The following NCF2 variants were observed in gnomAD, a reference collection of about 807,000 sequenced individuals.
NCF2 encodes neutrophil cytosol factor 2.
NCF2 carries 45 observed loss-of-function variants against 70.9 expected under a neutral mutation model. The observed-to-expected ratio is 0.63, with a 90% CI of 0.50 to 0.81. The LOEUF (loss-of-function observed/expected upper bound fraction) is 0.81. NCF2 is among the 40% of genes least tolerant of loss of function. The probability of loss-of-function intolerance (pLI) is 0.00; values close to 1 mark genes in which losing one functional copy is unlikely to be tolerated. For missense variants in NCF2, 522 were observed against 631.6 expected, an observed-to-expected ratio of 0.83 and a Z score of 1.86; for synonymous variants, 203 against 233.6, an observed-to-expected ratio of 0.87 and a Z score of 1.19.
chr1:183,561,824 G>T (rs1672073349), intron 13 of NCF2, among the ~76,000 whole-genome samples: 1 of 97,604 alleles, frequency 1.0e-5, no homozygotes, highest in Admixed American at 1.6e-4. Context: ...TTTTGAGGCA[G>T]AATCTCTCTG....
chr1:183,593,143 C>G (rs1673717183), upstream of NCF2, among the ~76,000 whole-genome samples: 1 of 152,150 alleles, frequency 6.6e-6, no homozygotes, highest in Admixed American at 6.5e-5. Context: ...CTTAGCACCT[C>G]AAATAGTGTG....
At chr1:183,600,816 G>C in the NCF2 span, among the ~76,000 whole-genome samples, 1 of 152,114 alleles carries the variant, frequency 6.6e-6, no homozygotes, top group Non-Finnish European at 1.5e-5. Context: ...CTCAGCACTA[G>C]GGTTGGGCTT....
chr1:183,569,213 C>T (rs377089938), intron 6 of NCF2, 28 bp from the exon 7 acceptor site: 89 of 1,611,306 alleles, frequency 5.5e-5, no homozygotes, highest in African/African-American at 1.7e-4. Flanking sequence ...GAAGTGAAAA[C>T]GGAAAAGGCA....
intron 9 of NCF2, 127 bp downstream of exon 9, chr1:183,566,793 G>A (rs1246349407): frequency 1.2e-5 from 14 of 1,204,738 alleles, no homozygotes; most frequent in South Asian, 3.8e-5. Context: ...ATCTCAAGGC[G>A]GGCTCAAGAC....
At chr1:183,587,692 G>A (rs865936866) in intron 1 of NCF2, among the ~76,000 whole-genome samples, 19 of 142,722 alleles carry the variant, frequency 1.3e-4, no homozygotes, top group Middle Eastern at 3.9e-3. Flanking sequence ...ATCACCAACA[G>A]AAATCTTAGA....
In NCF2 at chr1:183,579,738, C is replaced by CAAA. The variant is rs397982209; in HGVS notation, c.258-2034_258-2032dup. 7.7e-4 allele frequency among the ~76,000 whole-genome samples: 30 copies of CAAA among 38,840 alleles called. 1 individual carries two copies. Among genetic ancestry groups the CAAA allele is most frequent in the African/African-American group, 1.2e-3 (15 of 12,902 alleles). The allele number at this position is 38,840 out of a possible 152,430, so 25.5% of individuals were successfully genotyped here. On this transcript the variant is annotated intron_variant, in intron 2 of 14. Transcript: ENST00000367535. ...TGGGTGACAGAGTGAGACTCTGTCT[C>CAAA]AAAAAAAAAAAAAAAAAAAAAAAAA...
At chr1:183,591,469 G>T (rs1673641190), upstream of NCF2, among the ~76,000 whole-genome samples, 1 of 151,574 alleles carries the variant, frequency 6.6e-6, no homozygotes, top group Non-Finnish European at 1.5e-5. Flanking sequence ...ATCTGATCTG[G>T]GCCTGAAATA....
At position 183,581,085 on chromosome 1, in the gene NCF2, C is replaced by T. The variant is rs571292627; in HGVS notation, c.258-3378G>A. 2.4e-4 allele frequency among the ~76,000 whole-genome samples: 37 copies of T among 151,650 alleles called. 1 individual carries two copies. The highest frequency in any genetic ancestry group is 7.7e-4 in the African/African-American group (32 of 41,348). ...CTTTGTTTTAAAGACAGGGTGGACC[C>T]GCCTAGGCAATATGGAGAAACCCCA... is the stretch of plus-strand genomic sequence containing the variant. On this transcript the variant is annotated intron_variant, in intron 2 of 14. Transcript: ENST00000367535.
chr1:183,583,080 T>C (rs776600821), intron 2 of NCF2, among the ~76,000 whole-genome samples: 72 of 152,190 alleles, frequency 4.7e-4, no homozygotes, highest in Non-Finnish European at 7.9e-4. Context: ...TCAGACAGAA[T>C]CTTGCTCTGT....
At chr1:183,593,766 G>C (rs908670195), upstream of NCF2, among the ~76,000 whole-genome samples, 5 of 152,162 alleles carry the variant, frequency 3.3e-5, no homozygotes, top group African/African-American at 1.2e-4. Flanking sequence ...ATTACTTGGT[G>C]CTGTTAGTAG....
chr1:183,563,954 C>G (rs773324821), intron 11 of NCF2, 51 bp downstream of exon 11: 5 of 1,550,768 alleles, frequency 3.2e-6, no homozygotes, highest in Non-Finnish European at 3.6e-6. Flanking sequence ...GTTGATAGCC[C>G]AAGCTATCCC....
chr1:183,585,582 G>A (rs528967028), intron 2 of NCF2, among the ~76,000 whole-genome samples: 150 of 142,020 alleles, frequency 1.1e-3, no homozygotes, highest in South Asian at 2.2e-3. Context: ...CCGAGATCGC[G>A]CCACTGCACT....
rs1064794299 is a variant in NCF2, at chr1:183,567,222, CGT to C, written c.835_836del (p.Thr279GlyfsTer16). On this transcript the variant is annotated frameshift_variant, in exon 8 of 15. Transcript: ENST00000367535. LOFTEE classifies it high-confidence loss of function. Reference protein sequence around the residue: ...VLKKGNDNWATVMFNGQKGLV... With the variant: ...VLKKGNDNWAXVMFNGQKGLV... ...TGCATACCTGCCCGTTGAACATGAC[CGT>C]GGCCCAGTTATCATTGCCCTTCTTC... 6.2e-7 allele frequency: 1 copy of C among 1,614,150 alleles called. No individual in the cohort carries two copies. The highest frequency in any genetic ancestry group is 1.1e-5 in the South Asian group (1 of 91,080).
At chr1:183,592,311 T>C (rs1673689557), upstream of NCF2, among the ~76,000 whole-genome samples, 1 of 152,256 alleles carries the variant, frequency 6.6e-6, no homozygotes, top group African/African-American at 2.4e-5. Flanking sequence ...AGCTCTCTTC[T>C]TTGCCTGGCA....
intron 2 of NCF2, among the ~76,000 whole-genome samples, chr1:183,583,854 T>C (rs1387318358): frequency 6.6e-6 from 1 of 152,206 alleles, no homozygotes; most frequent in East Asian, 1.9e-4. Flanking sequence ...CACTGGAAGT[T>C]CTCACAGAGA....
In NCF2 at chr1:183,586,947, G is replaced by T. The variant is rs1673380587; in HGVS notation, c.205C>A (p.His69Asn). The change falls in exon 2 of 15, where the codon CAC becomes AAC. Residue 69 changes from histidine (H) to asparagine (N), a missense_variant. Physicochemically the swap from His to Asn is moderately conservative, Grantham distance 68. Coordinates refer to ENST00000367535, the MANE Select transcript of NCF2 (RefSeq NM_000433.4). ...AFTRSINRDK[H>N]LAVAYFQRGM... ...CGTTGGAAGTAAGCCACTGCCAAGT[G>T]CTTGTCTCGGTTAATGCTTCTGGTA... 1.9e-6 allele frequency: 3 copies of T among 1,614,136 alleles called. No homozygotes were observed. The highest frequency in any genetic ancestry group is 2.5e-6 in the Non-Finnish European group (3 of 1,179,994).
chr1:183,582,069 C>A (rs1054794556), intron 2 of NCF2, among the ~76,000 whole-genome samples: 1 of 152,246 alleles, frequency 6.6e-6, no homozygotes, highest in Non-Finnish European at 1.5e-5. Context: ...ACTTGTTTAC[C>A]CAGAGCTGCA....
intron 2 of NCF2, 126 bp from the exon 3 acceptor site, chr1:183,577,833 G>C: frequency 1.3e-6 from 1 of 750,448 alleles, no homozygotes; most frequent in Non-Finnish European, 2.3e-6. Context: ...AGTTCCTTTT[G>C]ACCTGTTCTA....
chr1:183,590,146 C>G lies in NCF2; in HGVS notation c.174+10G>C. 6.2e-7 allele frequency: 1 copy of G among 1,614,186 alleles called. No homozygotes were observed. The highest frequency in any genetic ancestry group is 8.5e-7 in the Non-Finnish European group (1 of 1,180,038). ...ACAGAGGAGGCCCGGAAAGAGGCACCTCCACTCACCTTCTCTGCTTCAGTC... is the reference window on the plus strand; with the variant it reads ...ACAGAGGAGGCCCGGAAAGAGGCACGTCCACTCACCTTCTCTGCTTCAGTC... On this transcript the variant is annotated intron_variant, in intron 1 of 14. Coordinates refer to ENST00000367535, the MANE Select transcript of NCF2 (RefSeq NM_000433.4).
Sources: gnomAD v4.1 joint callset for allele counts (sites outside exome capture counted in the v4.1 genomes callset) on GRCh38, gnomAD v4.1.1 for gene constraint, MANE v1.5 for transcripts, NCBI Gene and HGNC (gene_info 2026-07-23, HGNC 2026-07-21) for gene names.